MKLN1: variants seen among roughly 807,000 people sequenced by gnomAD.
The protein encoded by MKLN1 is muskelin.
Under a neutral mutation model 99.0 loss-of-function variants are expected in MKLN1, and 18 were observed. That is an observed-to-expected ratio of 0.18 (90% CI 0.13 to 0.27). MKLN1 has a LOEUF of 0.27. MKLN1 is among the 10% of genes least tolerant of loss of function. The probability of loss-of-function intolerance (pLI) is 1.00; values close to 1 mark genes in which losing one functional copy is unlikely to be tolerated. For synonymous variants in MKLN1, 288 were observed against 293.2 expected, an observed-to-expected ratio of 0.98 and a Z score of 0.18; for missense variants, 621 against 875.9, an observed-to-expected ratio of 0.71 and a Z score of 3.67.
chr7:131,379,863 A>G (rs1259734288), intron 2 of MKLN1, among the ~76,000 whole-genome samples: 2 of 152,162 alleles, frequency 1.3e-5, no homozygotes, highest in Non-Finnish European at 2.9e-5. Flanking sequence ...TTTTTTTTCA[A>G]AAGTGATGGG....
Position 131,183,134 on chromosome 7 carries a change from A to G in MKLN1, c.-296-19723A>G, listed in dbSNP as rs143950060. On this transcript the variant is annotated intron_variant, in intron 2 of 7. Transcript: ENST00000416992. The stretch of plus-strand genomic sequence containing the variant: ...AATGTAAAGGAGAAAGGGGAAGACA[A>G]TATCTTATCATTAAAAATCAATCAG... Among the ~76,000 whole-genome samples the G allele has an allele frequency of 1.8e-3, 280 of 152,340 alleles. 2 individuals are homozygous for G. The highest frequency in any genetic ancestry group is 6.5e-3 in the African/African-American group (271 of 41,576).
intron 2 of MKLN1, among the ~76,000 whole-genome samples, chr7:131,166,444 A>G (rs941149531): frequency 6.7e-6 from 1 of 149,608 alleles, no homozygotes; most frequent in Non-Finnish European, 1.5e-5. Context: ...TAAAAGAAAC[A>G]TCCTTACAAT....
chr7:131,125,954 C>G (rs915605420), intron 1 of MKLN1, among the ~76,000 whole-genome samples: 8 of 148,690 alleles, frequency 5.4e-5, no homozygotes, highest in Non-Finnish European at 1.0e-4. Flanking sequence ...TGCAGTGAGC[C>G]GAGATCACGC....
intron 3 of MKLN1, among the ~76,000 whole-genome samples, chr7:131,234,168 CGG>C: frequency 6.6e-6 from 1 of 151,380 alleles, no homozygotes; most frequent in Admixed American, 6.6e-5. Flanking sequence ...TTAGTAGAGA[CGG>C]GGTTTCACCA....
At chr7:131,280,185 A>G (rs1798030536) in intron 3 of MKLN1, among the ~76,000 whole-genome samples, 2 of 152,198 alleles carry the variant, frequency 1.3e-5, no homozygotes, top group South Asian at 4.1e-4. Flanking sequence ...TGGCTATACC[A>G]CATTTTGTTT....
At chr7:131,202,508 G>A (rs28717071) in intron 2 of MKLN1, among the ~76,000 whole-genome samples, 26,697 of 151,918 alleles carry the variant, frequency 0.18, 2,788 homozygotes, top group South Asian at 0.29. Flanking sequence ...CTCCTTATGC[G>A]CCAGGACAAC....
chr7:131,435,879 A>G (rs979656542), intron 9 of MKLN1, among the ~76,000 whole-genome samples: 1 of 151,648 alleles, frequency 6.6e-6, no homozygotes, highest in South Asian at 2.1e-4. Context: ...TTTCTATTCT[A>G]TTGATTTATC....
intron 12 of MKLN1, among the ~76,000 whole-genome samples, chr7:131,454,163 A>G (rs1796267056): frequency 6.6e-6 from 1 of 151,612 alleles, no homozygotes; most frequent in African/African-American, 2.4e-5. Flanking sequence ...CTACTCATAT[A>G]CTTTTATAGA....
intron 1 of MKLN1, among the ~76,000 whole-genome samples, chr7:131,138,143 T>C (rs1486972175): frequency 6.6e-6 from 1 of 150,868 alleles, no homozygotes; most frequent in East Asian, 2.0e-4. Context: ...CAGGCTGGTC[T>C]CAAACTCCAA....
intron 1 of MKLN1, among the ~76,000 whole-genome samples, chr7:131,350,958 T>C (rs1799702596): frequency 6.6e-6 from 1 of 152,246 alleles, no homozygotes; most frequent in Non-Finnish European, 1.5e-5. Flanking sequence ...AATTCTTTAA[T>C]TACAATTAAT....
At chr7:131,275,474 T>G (rs1797947321) in intron 3 of MKLN1, among the ~76,000 whole-genome samples, 1 of 130,050 alleles carries the variant, frequency 7.7e-6, no homozygotes, top group East Asian at 2.2e-4. Context: ...GTTCAGGTGA[T>G]TCTCCTGCCT....
intron 17 of MKLN1, among the ~76,000 whole-genome samples, chr7:131,481,076 A>G (rs1225961106): frequency 6.6e-6 from 1 of 152,210 alleles, no homozygotes; most frequent in African/African-American, 2.4e-5. Flanking sequence ...TACTGAGAAC[A>G]ATACAAACAC....
intron 3 of MKLN1, among the ~76,000 whole-genome samples, chr7:131,276,227 G>A (rs868564426): frequency 1.3e-5 from 2 of 152,320 alleles, no homozygotes; most frequent in Middle Eastern, 3.4e-3. Context: ...GTGCTGGTGG[G>A]AAGGTAAAGG....
intron 2 of MKLN1, among the ~76,000 whole-genome samples, chr7:131,186,677 T>C (rs565028114): frequency 1.3e-5 from 2 of 152,346 alleles, no homozygotes; most frequent in East Asian, 1.9e-4. Flanking sequence ...ACTCAATAAA[T>C]GTTTCTGAAC....
chr7:131,123,079 A>C (rs557881993), intron 1 of MKLN1, among the ~76,000 whole-genome samples: 1 of 151,614 alleles, frequency 6.6e-6, no homozygotes, highest in South Asian at 2.1e-4. Context: ...CGCTGTACAG[A>C]ATATCAAAGA....
rs530689053 is a variant in MKLN1, at chr7:131,250,100, CG to C, written c.-179+47130del. On this transcript the variant is annotated intron_variant, in intron 3 of 7. Transcript: ENST00000416992. ...TGGGCCCAGCCTATAGCAGAGACCA[CG>C]GGGAAGCAGAAAAAGAAGACTGGGA... Among the ~76,000 whole-genome samples, 473 of 152,178 alleles carry C rather than the reference CG, an allele frequency of 3.1e-3. 2 individuals carry two copies. Among genetic ancestry groups the C allele is most frequent in the African/African-American group, 0.011 (444 of 41,508 alleles).
intron 3 of MKLN1, among the ~76,000 whole-genome samples, chr7:131,315,233 T>G (rs1170312787): frequency 2.7e-5 from 4 of 150,892 alleles, no homozygotes; most frequent in African/African-American, 9.8e-5. Context: ...TTCATTCCAT[T>G]GGGACTGGTT....
chr7:131,385,623 T>A (rs1374218639), intron 2 of MKLN1, among the ~76,000 whole-genome samples: 1 of 152,190 alleles, frequency 6.6e-6, no homozygotes, highest in African/African-American at 2.4e-5. Flanking sequence ...TGACTAATGA[T>A]GTTAAGCATC....
chr7:131,141,504 T>C (rs1459064145), intron 1 of MKLN1, among the ~76,000 whole-genome samples: 1 of 152,186 alleles, frequency 6.6e-6, no homozygotes, highest in African/African-American at 2.4e-5. Context: ...GGCTTGTACA[T>C]TTCTCCATAA....
Sources: gnomAD v4.1 joint callset for allele counts (sites outside exome capture counted in the v4.1 genomes callset) on GRCh38, gnomAD v4.1.1 for gene constraint, MANE v1.5 for transcripts, NCBI Gene and HGNC (gene_info 2026-07-23, HGNC 2026-07-21) for gene names.